Variants in DIP2C observed in about 807,000 individuals in gnomAD.
The protein encoded by DIP2C is disco-interacting protein 2 homolog C.
A neutral mutation model predicts 192.4 loss-of-function variants in DIP2C; 33 were observed. That is an observed-to-expected ratio of 0.17 (90% CI 0.13 to 0.23). The LOEUF (loss-of-function observed/expected upper bound fraction) is 0.23. DIP2C is among the 10% of genes least tolerant of loss of function. The pLI, the probability that DIP2C is intolerant of heterozygous loss-of-function variation, is 1.00. For missense variants in DIP2C, 1,537 were observed against 2,110.1 expected (o/e 0.73, Z 5.32); for synonymous variants, 979 against 864.1 (o/e 1.13, Z -2.33).
chr10:520,672 A>C (rs1348397302), intron 1 of DIP2C, among the ~76,000 whole-genome samples: 5 of 152,160 alleles, frequency 3.3e-5, no homozygotes, highest in Non-Finnish European at 5.9e-5. Flanking sequence ...CAGAGCCTGC[A>C]CTGGCCCAGG....
At chr10:581,218 T>TA (rs1850632226) in intron 1 of DIP2C, among the ~76,000 whole-genome samples, 1 of 152,154 alleles carries the variant, frequency 6.6e-6, no homozygotes, top group South Asian at 2.1e-4. Flanking sequence ...TGTTTCCCTT[T>TA]CTTGAATTCA....
intron 6 of DIP2C, among the ~76,000 whole-genome samples, chr10:417,622 GCCT>G (rs1965739535): frequency 2.8e-5 from 1 of 35,960 alleles, no homozygotes; most frequent in South Asian, 1.0e-3. Context: ...GTCTGCCTGC[GCCT>G]GTCAGGGCTC....
At chr10:687,351 C>T (rs997172684) in intron 1 of DIP2C, among the ~76,000 whole-genome samples, 3 of 152,180 alleles carry the variant, frequency 2.0e-5, no homozygotes, top group Non-Finnish European at 2.9e-5. Context: ...TCAACCTGGG[C>T]AAACCCACAC....
chr10:554,597 C>CA, intron 1 of DIP2C, among the ~76,000 whole-genome samples: 1 of 152,210 alleles, frequency 6.6e-6, no homozygotes, highest in East Asian at 1.9e-4. Flanking sequence ...ACAGAAGGGG[C>CA]AAGACCCCGG....
At chr10:315,320 AT>A (rs1956731779) in intron 31 of DIP2C, among the ~76,000 whole-genome samples, 1 of 152,138 alleles carries the variant, frequency 6.6e-6, no homozygotes, top group South Asian at 2.1e-4. Context: ...TCTTTTCAGT[AT>A]TCTTCATTTC....
At chr10:337,476 T>C (rs1957889923) in intron 29 of DIP2C, among the ~76,000 whole-genome samples, 1 of 135,298 alleles carries the variant, frequency 7.4e-6, no homozygotes, top group South Asian at 2.5e-4. Context: ...CCTAAGCTGA[T>C]GTGTATGTGT....
At chr10:684,533 C>G (rs1366527646) in intron 1 of DIP2C, among the ~76,000 whole-genome samples, 3 of 152,192 alleles carry the variant, frequency 2.0e-5, no homozygotes, top group Non-Finnish European at 4.4e-5. Context: ...GTACAGAGTC[C>G]TCAGGACCTT....
chr10:553,979 T>TATGAG (rs1564843447), intron 1 of DIP2C, among the ~76,000 whole-genome samples: 1 of 135,918 alleles, frequency 7.4e-6, no homozygotes, highest in Non-Finnish European at 1.6e-5. Context: ...CGCTTGTAAC[T>TATGAG]GTAAGAGTGG....
chr10:500,142 T>C (rs1454718108), intron 1 of DIP2C, among the ~76,000 whole-genome samples: 2 of 152,228 alleles, frequency 1.3e-5, no homozygotes, highest in Non-Finnish European at 2.9e-5. Flanking sequence ...CCCCTACATC[T>C]GTACCTGCCA....
intron 9 of DIP2C, among the ~76,000 whole-genome samples, chr10:404,565 AT>A (rs1964672264): frequency 6.6e-6 from 1 of 152,212 alleles, no homozygotes; most frequent in Non-Finnish European, 1.5e-5. Flanking sequence ...AAGTAATTTC[AT>A]CACGAACAGT....
chr10:542,551 C>A (rs1848057751), intron 1 of DIP2C, among the ~76,000 whole-genome samples: 1 of 152,236 alleles, frequency 6.6e-6, no homozygotes, highest in Non-Finnish European at 1.5e-5. Context: ...ACAGCTTCAA[C>A]CTTCAGAGTA....
chr10:538,023 C>T (rs990393831), intron 1 of DIP2C, among the ~76,000 whole-genome samples: 14 of 152,270 alleles, frequency 9.2e-5, no homozygotes, highest in Admixed American at 3.9e-4. Flanking sequence ...CTCCTGGCCT[C>T]AAGCGATCTG....
chr10:532,402 C>G (rs1244654010), intron 1 of DIP2C, among the ~76,000 whole-genome samples: 1 of 152,224 alleles, frequency 6.6e-6, no homozygotes, highest in African/African-American at 2.4e-5. Context: ...CCCAGCAAAA[C>G]TGGCCGCTGC....
chr10:583,235 A>AG (rs79531207), intron 1 of DIP2C, among the ~76,000 whole-genome samples: 1 of 152,240 alleles, frequency 6.6e-6, no homozygotes, highest in African/African-American at 2.4e-5. Context: ...TGAAAAGCCA[A>AG]GGGGCATGCA....
In DIP2C at chr10:674,028, A is replaced by G. The variant is rs550256371; in HGVS notation, c.85+15466T>C. Among the ~76,000 whole-genome samples the G allele has an allele frequency of 9.8e-5, 15 of 152,372 alleles. 1 individual carries two copies. The highest frequency in any genetic ancestry group is 3.6e-4 in the African/African-American group (15 of 41,580). ...AAATAATAATCCATCACTATCTTCAAAGAGACAAAAGAAAAACTCTACTTC... is the reference window on the plus strand; with the variant it reads ...AAATAATAATCCATCACTATCTTCAGAGAGACAAAAGAAAAACTCTACTTC... On this transcript the variant is annotated intron_variant, in intron 1 of 36. Transcript: ENST00000280886.
intron 21 of DIP2C, 90 bp from the exon 22 acceptor site, chr10:362,781 A>C (rs1188099268): frequency 7.2e-7 from 1 of 1,383,622 alleles, no homozygotes; most frequent in East Asian, 2.4e-5. Context: ...CACAATACAC[A>C]GAAGTCTGTG....
chr10:434,153 T>G (rs1368258729), intron 4 of DIP2C, among the ~76,000 whole-genome samples: 2 of 152,224 alleles, frequency 1.3e-5, no homozygotes, highest in African/African-American at 4.8e-5. Flanking sequence ...TCACTTACAT[T>G]TAACTGTGTG....
intron 4 of DIP2C, among the ~76,000 whole-genome samples, chr10:425,660 T>C (rs1349285654): frequency 2.6e-5 from 4 of 151,716 alleles, no homozygotes; most frequent in Non-Finnish European, 5.9e-5. Context: ...GTGACTAATA[T>C]GACACGGATG....
At chr10:586,820 C>T (rs1040133446) in intron 1 of DIP2C, among the ~76,000 whole-genome samples, 4 of 151,636 alleles carry the variant, frequency 2.6e-5, no homozygotes, top group African/African-American at 9.8e-5. Context: ...TCTTGTTTCA[C>T]AAGCTATCAA....
Sources: gnomAD v4.1 joint callset for allele counts (sites outside exome capture counted in the v4.1 genomes callset) on GRCh38, gnomAD v4.1.1 for gene constraint, MANE v1.5 for transcripts, NCBI Gene and HGNC (gene_info 2026-07-23, HGNC 2026-07-21) for gene names.